CRELD1: variants seen among roughly 807,000 people sequenced by gnomAD.
CRELD1 encodes the protein protein disulfide isomerase CRELD1.
CRELD1 carries 42 observed loss-of-function variants against 58.2 expected under a neutral mutation model. That is an observed-to-expected ratio of 0.72 (90% CI 0.56 to 0.93). CRELD1 has a LOEUF of 0.93. Among genes scored for constraint, CRELD1 ranks in the 40% least tolerant of loss-of-function variants. CRELD1 has a pLI of 0.00. For missense variants in CRELD1, 500 were observed against 540.6 expected, an observed-to-expected ratio of 0.92 and a Z score of 0.74; for synonymous variants, 222 against 202.0, an observed-to-expected ratio of 1.10 and a Z score of -0.84.
intron 3 of CRELD1, chr3:9,935,920 T>C (rs1221582601): frequency 6.6e-6 from 1 of 152,186 alleles, no homozygotes; most frequent in Non-Finnish European, 1.5e-5. Context: ...TGTCATTATA[T>C]AGTCAGTATG....
chr3:9,940,406 C>T (rs2085326555), intron 5 of CRELD1, among the ~76,000 whole-genome samples: 1 of 152,156 alleles, frequency 6.6e-6, no homozygotes, highest in African/African-American at 2.4e-5. Context: ...GAGACTCCGT[C>T]TGCAATCCCG....
At chr3:9,935,316 GTGAGCC>G (rs1334816848) in intron 3 of CRELD1, among the ~76,000 whole-genome samples, 1 of 152,190 alleles carries the variant, frequency 6.6e-6, no homozygotes, top group Non-Finnish European at 1.5e-5. Context: ...CTGGAGTGGA[GTGAGCC>G]AAGGGGAGAG....
intron 10 of CRELD1, 98 bp from the exon 11 acceptor site, chr3:9,944,267 G>A: frequency 9.0e-7 from 1 of 1,115,200 alleles, no homozygotes; most frequent in South Asian, 1.2e-5. Flanking sequence ...CAGGCCTGGT[G>A]GCCATGATGA....
rs756346565 is a variant in CRELD1 at position 9,941,196 on chromosome 3, C to T, written c.723C>T (p.Leu241=). 8.7e-6 allele frequency: 14 copies of T among 1,613,544 alleles called. No homozygotes were observed. Among genetic ancestry groups the T allele is most frequent in the South Asian group, 7.7e-5 (7 of 91,040 alleles). ...QCKKGWALHH[L]KCVDIDECGT... is the part of the protein sequence containing the mutation. Reference sequence around the variant, plus strand: ...AGAAGGGCTGGGCCCTGCATCACCTCAAGTGTGTAGGTAAGTGGGGCCCTA... The same window carrying T: ...AGAAGGGCTGGGCCCTGCATCACCTTAAGTGTGTAGGTAAGTGGGGCCCTA... The change falls in exon 7 of 11, where the codon CTC becomes CTT. Residue 241 remains leucine (L), a synonymous_variant. Coordinates refer to ENST00000452070, the MANE Select transcript of CRELD1 (RefSeq NM_001077415.3).
chr3:9,934,353 G>C, intron 1 of CRELD1, 67 bp from the exon 2 acceptor site: 1 of 1,285,966 alleles, frequency 7.8e-7, no homozygotes. Context: ...CCTTAGAACA[G>C]ACCTTTTTCT....
At chr3:9,944,251 G>A in intron 10 of CRELD1, 114 bp from the exon 11 acceptor site, 1 of 973,656 alleles carries the variant, frequency 1.0e-6, no homozygotes, top group Non-Finnish European at 1.7e-6. Context: ...TGCCTGGCTT[G>A]CTGGGCAGGC....
rs775686702 is a variant in CRELD1, at chr3:9,944,498, T to G, written c.1182T>G (p.Ile394Met). Reference sequence around the variant, plus strand: ...ACTTGGTGTTCACCGCCATCTTCATTGGGGCTGTGGCGGCCATGACTGGCT... The same window carrying G: ...ACTTGGTGTTCACCGCCATCTTCATGGGGGCTGTGGCGGCCATGACTGGCT... ...KGDLVFTAIF[I>M]GAVAAMTGYW... Residue 394 changes from isoleucine to methionine, a missense_variant, in exon 11 of 11, where the codon ATT (isoleucine) becomes ATG (methionine). Coordinates refer to ENST00000452070, the MANE Select transcript of CRELD1 (RefSeq NM_001077415.3). 25 of 1,612,850 alleles carry G rather than the reference T, an allele frequency of 1.6e-5. No individual in the cohort carries two copies. The highest frequency in any genetic ancestry group is 2.1e-5 in the Non-Finnish European group (25 of 1,180,028).
intron 10 of CRELD1, 130 bp downstream of exon 10, chr3:9,943,645 C>A: frequency 6.4e-7 from 1 of 1,573,670 alleles, no homozygotes; most frequent in South Asian, 1.2e-5. Flanking sequence ...GGAGGCTGCA[C>A]TGAGACCGGG....
chr3:9,938,296 G>A, intron 5 of CRELD1, 190 bp downstream of exon 5: 2 of 623,206 alleles, frequency 3.2e-6, no homozygotes, highest in Non-Finnish European at 5.8e-6. Flanking sequence ...AGAAAGCACA[G>A]GGGCTAGACT....
In CRELD1 at chr3:9,941,196, C is replaced by G. The variant is rs756346565; in HGVS notation, c.723C>G (p.Leu241=). The G allele has an allele frequency of 1.9e-6, 3 of 1,613,426 alleles. No individual in the cohort carries two copies. Among genetic ancestry groups the G allele is most frequent in the African/African-American group, 1.3e-5 (1 of 74,916 alleles). The change falls in exon 7 of 11, where the codon CTC becomes CTG. Residue 241 remains leucine, a synonymous_variant. Coordinates refer to ENST00000452070, the MANE Select transcript of CRELD1 (RefSeq NM_001077415.3). ...QCKKGWALHH[L]KCVDIDECGT... The stretch of plus-strand genomic sequence containing the variant: ...AGAAGGGCTGGGCCCTGCATCACCT[C>G]AAGTGTGTAGGTAAGTGGGGCCCTA...
chr3:9,934,292 C>A, intron 1 of CRELD1, 128 bp from the exon 2 acceptor site: 104 of 701,678 alleles, frequency 1.5e-4, no homozygotes, highest in Non-Finnish European at 1.7e-4. Context: ...CCCTGCAATA[C>A]CCAGTTTGGC....
intron 3 of CRELD1, chr3:9,936,347 C>T (rs944197778): frequency 6.6e-6 from 1 of 152,134 alleles, no homozygotes. Flanking sequence ...AGAGGCACTT[C>T]CAGCTTTGTA....
In CRELD1 at chr3:9,944,640, C is replaced by A; in HGVS notation, c.*61C>A. The A allele has an allele frequency of 6.9e-7, 1 of 1,439,886 alleles. No individual in the cohort carries two copies. The highest frequency in any genetic ancestry group is 9.5e-7 in the Non-Finnish European group (1 of 1,055,458). 89.2% of individuals were successfully genotyped at this position (1,439,886 alleles called of 1,614,324 possible). On this transcript the variant is annotated 3_prime_UTR_variant, in exon 11 of 11. Coordinates refer to ENST00000452070, the MANE Select transcript of CRELD1 (RefSeq NM_001077415.3). Reference sequence around the variant, plus strand: ...CGCTGCCCCCAGAGCTTGGGCTGCCCTCCTGCTGGACACTCAGGACAGCTT... The same window carrying A: ...CGCTGCCCCCAGAGCTTGGGCTGCCATCCTGCTGGACACTCAGGACAGCTT...
At position 9,938,078 on chromosome 3, in the gene CRELD1, C is replaced by A; in HGVS notation, c.432C>A (p.Pro144=). ...CAGATTCCCTGAAGCTCTGCTGCCC[C>A]GCAGGCACCTTCGGGCCCTCCTGCC... is the stretch of plus-strand genomic sequence containing the variant. ...LCSDSLKLCC[P]AGTFGPSCLP... is the part of the protein sequence containing the mutation. Residue 144 remains proline (P), a synonymous_variant, in exon 5 of 11, where the codon CCC becomes CCA. Coordinates refer to ENST00000452070, the MANE Select transcript of CRELD1 (RefSeq NM_001077415.3). 6.2e-7 allele frequency: 1 copy of A among 1,613,964 alleles called. No homozygotes were observed. Among genetic ancestry groups the A allele is most frequent in the Non-Finnish European group, 8.5e-7 (1 of 1,180,018 alleles).
rs775761473 is a variant in CRELD1 at position 9,942,879 on chromosome 3, G to C, written c.800G>C (p.Gly267Ala). 1.2e-6 allele frequency: 2 copies of C among 1,614,072 alleles called. No homozygotes were observed. The highest frequency in any genetic ancestry group is 1.7e-6 in the Non-Finnish European group (2 of 1,179,918). The change falls in exon 8 of 11, where the codon GGC becomes GCC. Residue 267 changes from glycine (G) to alanine (A), a missense_variant. Gly to Ala is a moderately conservative substitution (Grantham distance 60). Coordinates refer to ENST00000452070, the MANE Select transcript of CRELD1 (RefSeq NM_001077415.3). ...GADQFCVNTE[G>A]SYECRDCAKA... is the part of the protein sequence containing the mutation. ...GACCAATTCTGCGTGAACACTGAGGGCTCCTATGAGTGCCGAGGTCAGTGT... is the reference window on the plus strand; with the variant it reads ...GACCAATTCTGCGTGAACACTGAGGCCTCCTATGAGTGCCGAGGTCAGTGT...
intron 5 of CRELD1, among the ~76,000 whole-genome samples, chr3:9,940,231 C>G (rs2085320927): frequency 6.6e-6 from 1 of 151,946 alleles, no homozygotes; most frequent in Non-Finnish European, 1.5e-5. Context: ...CGATGGGCCG[C>G]CAGGCAGAGA....
At chr3:9,944,038 A>G (rs1559339357) in intron 10 of CRELD1, 1 of 840,686 alleles carries the variant, frequency 1.2e-6, no homozygotes, top group Non-Finnish European at 2.1e-6. Context: ...ATGGCAAGCA[A>G]GTCGCAAAGC....
intron 3 of CRELD1, among the ~76,000 whole-genome samples, chr3:9,936,434 T>C (rs1292079758): frequency 6.6e-6 from 1 of 152,032 alleles, no homozygotes; most frequent in Non-Finnish European, 1.5e-5. Flanking sequence ...AAATACAGGA[T>C]ATAAGACATC....
intron 10 of CRELD1, 119 bp downstream of exon 10, chr3:9,943,634 T>C: frequency 6.3e-7 from 1 of 1,584,038 alleles, no homozygotes; most frequent in South Asian, 1.2e-5. Flanking sequence ...CCCAGCCCCC[T>C]GGAGGCTGCA....
Sources: allele counts gnomAD v4.1 joint callset (sites outside exome capture counted in the v4.1 genomes callset), GRCh38; gene constraint gnomAD v4.1.1; transcripts MANE v1.5; gene names NCBI Gene and HGNC (gene_info 2026-07-23, HGNC 2026-07-21).